The following SHB variants were observed in gnomAD, a reference collection of about 807,000 sequenced individuals.
SHB encodes the protein SH2 domain containing adaptor protein B.
In SHB, 20 loss-of-function variants were observed where a neutral mutation model predicts 52.3. The ratio of observed to expected loss-of-function variants is 0.38; its 90% confidence interval spans 0.27 to 0.56. The LOEUF (loss-of-function observed/expected upper bound fraction) is 0.56. Among genes scored for constraint, SHB ranks in the 20% least tolerant of loss-of-function variants. SHB has a pLI of 0.71. For synonymous variants in SHB, 397 were observed against 316.5 expected, an observed-to-expected ratio of 1.25 and a Z score of -2.70; for missense variants, 825 against 723.3, an observed-to-expected ratio of 1.14 and a Z score of -1.61.
intron 1 of SHB, among the ~76,000 whole-genome samples, chr9:38,061,949 C>G (rs530631964): frequency 6.6e-6 from 1 of 152,282 alleles, no homozygotes; most frequent in African/African-American, 2.4e-5. Flanking sequence ...TAAAATAACT[C>G]AAGTGCTGCA....
chr9:37,948,806 G>T, intron 4 of SHB, 52 bp from the exon 5 acceptor site: 1 of 1,606,598 alleles, frequency 6.2e-7, no homozygotes, highest in Non-Finnish European at 8.5e-7. Context: ...GATTCCCATG[G>T]CCCTGACCTG....
chr9:37,962,951 G>A (rs528973193), intron 3 of SHB, among the ~76,000 whole-genome samples: 2 of 152,312 alleles, frequency 1.3e-5, no homozygotes, highest in East Asian at 3.9e-4. Flanking sequence ...GTGACGCCCG[G>A]TATGGTTAGG....
In SHB at chr9:37,953,837, G is replaced by A. The variant is rs137864111; in HGVS notation, c.1226+2046C>T. ...GGATTTTACCTTAAGCAAACCCCTC[G>A]GGTGATGAGTCAGGACTTCTGACTC... On this transcript the variant is annotated intron_variant, in intron 4 of 5. Coordinates refer to ENST00000377707, the MANE Select transcript of SHB (RefSeq NM_003028.3). Among the ~76,000 whole-genome samples, 300 of 152,296 alleles carry A rather than the reference G, an allele frequency of 2.0e-3. 1 individual carries two copies. Among genetic ancestry groups the A allele is most frequent in the African/African-American group, 6.9e-3 (287 of 41,550 alleles).
At chr9:37,992,614 C>T (rs908597243) in intron 2 of SHB, among the ~76,000 whole-genome samples, 1 of 152,122 alleles carries the variant, frequency 6.6e-6, no homozygotes, top group African/African-American at 2.4e-5. Flanking sequence ...GGGTCTGCCC[C>T]GTACTTTATC....
intron 2 of SHB, among the ~76,000 whole-genome samples, chr9:37,999,250 G>A (rs1820984319): frequency 6.6e-6 from 1 of 152,160 alleles, no homozygotes; most frequent in Non-Finnish European, 1.5e-5. Context: ...ACAGTGAGGA[G>A]GGATCTGTGA....
In SHB at chr9:38,068,361, G is replaced by A. The variant is rs1377477533; in HGVS notation, c.285C>T (p.Pro95=). 11 of 1,569,302 alleles carry A rather than the reference G, an allele frequency of 7.0e-6. No individual in the cohort carries two copies. The highest frequency in any genetic ancestry group is 1.4e-5 in the African/African-American group (1 of 70,814). Reference sequence around the variant, plus strand: ...GCAGCGACGAGCCAGGCCCGTTGTAGGGGTCCTCGAAGTCTCGCTCCTTCT... The same window carrying A: ...GCAGCGACGAGCCAGGCCCGTTGTAAGGGTCCTCGAAGTCTCGCTCCTTCT... The part of the protein sequence containing the change: ...RAQKERDFED[P]YNGPGSSLRK... Residue 95 remains proline, a synonymous_variant, in exon 1 of 6, where the codon CCC becomes CCT. Coordinates refer to ENST00000377707, the MANE Select transcript of SHB (RefSeq NM_003028.3).
chr9:38,018,188 T>G (rs995750398), intron 1 of SHB, among the ~76,000 whole-genome samples: 1 of 152,188 alleles, frequency 6.6e-6, no homozygotes, highest in African/African-American at 2.4e-5. Flanking sequence ...GGTTGCAGTC[T>G]CCATAGTAAT....
intron 4 of SHB, among the ~76,000 whole-genome samples, chr9:37,951,815 G>T (rs1832569378): frequency 6.6e-6 from 1 of 152,270 alleles, no homozygotes; most frequent in Admixed American, 6.5e-5. Flanking sequence ...GGAGCAGAGG[G>T]TGCTGGATCT....
intron 1 of SHB, among the ~76,000 whole-genome samples, chr9:38,059,584 G>C (rs1821865799): frequency 6.6e-6 from 1 of 152,228 alleles, no homozygotes; most frequent in African/African-American, 2.4e-5. Context: ...CAAACAGGAA[G>C]AGAAGGAAAA....
chr9:38,054,245 A>G (rs1821784733), intron 1 of SHB, among the ~76,000 whole-genome samples: 2 of 152,216 alleles, frequency 1.3e-5, no homozygotes. Context: ...CCTGTGGTGT[A>G]TGACCTTGTC....
At chr9:37,979,997 T>A (rs1454161158) in intron 2 of SHB, among the ~76,000 whole-genome samples, 1 of 152,218 alleles carries the variant, frequency 6.6e-6, no homozygotes, top group Non-Finnish European at 1.5e-5. Context: ...CAGTGAGTCA[T>A]CTTTTTGCTG....
At chr9:37,958,209 G>A (rs1832656992) in intron 3 of SHB, among the ~76,000 whole-genome samples, 1 of 150,736 alleles carries the variant, frequency 6.6e-6, no homozygotes, top group South Asian at 2.1e-4. Flanking sequence ...CGGGCACACA[G>A]GAGGGCAGCG....
At chr9:38,020,371 A>C (rs1215147325) in intron 1 of SHB, among the ~76,000 whole-genome samples, 2 of 152,236 alleles carry the variant, frequency 1.3e-5, no homozygotes, top group Non-Finnish European at 2.9e-5. Flanking sequence ...GGTGATCCTT[A>C]TCAGGAAAGC....
intron 2 of SHB, among the ~76,000 whole-genome samples, chr9:37,997,290 A>G (rs1351740355): frequency 6.6e-6 from 1 of 152,164 alleles, no homozygotes; most frequent in African/African-American, 2.4e-5. Flanking sequence ...GACCCAACTC[A>G]GGTGTCAGCT....
chr9:38,035,189 A>G (rs560568770), intron 1 of SHB, among the ~76,000 whole-genome samples: 52 of 151,810 alleles, frequency 3.4e-4, no homozygotes, highest in Middle Eastern at 3.4e-3. Context: ...GGGATCAGAG[A>G]ACAGAATGAG....
At chr9:37,975,841 C>T (rs1177849177) in intron 2 of SHB, among the ~76,000 whole-genome samples, 1 of 151,974 alleles carries the variant, frequency 6.6e-6, no homozygotes, top group Non-Finnish European at 1.5e-5. Flanking sequence ...CAGTGTAGGG[C>T]CTGGGAGTGG....
chr9:38,060,843 G>T (rs572632625), intron 1 of SHB, among the ~76,000 whole-genome samples: 9 of 152,302 alleles, frequency 5.9e-5, no homozygotes, highest in African/African-American at 2.2e-4. Context: ...CTGACATACA[G>T]ATGTGGGTTT....
intron 1 of SHB, among the ~76,000 whole-genome samples, chr9:38,039,502 G>GTA (rs1268317824): frequency 6.6e-6 from 1 of 152,254 alleles, no homozygotes; most frequent in Non-Finnish European, 1.5e-5. Context: ...TGGCAAAGGA[G>GTA]TATGTGAATG....
intron 1 of SHB, among the ~76,000 whole-genome samples, chr9:38,053,248 T>C (rs1821774656): frequency 1.3e-5 from 2 of 152,266 alleles, no homozygotes; most frequent in African/African-American, 4.8e-5. Flanking sequence ...CAGACTCTTT[T>C]TTTTTTTGAG....
Sources: allele counts gnomAD v4.1 joint callset (sites outside exome capture counted in the v4.1 genomes callset), GRCh38; gene constraint gnomAD v4.1.1; transcripts MANE v1.5; gene names NCBI Gene and HGNC (gene_info 2026-07-23, HGNC 2026-07-21).